The following SYNE1 variants were observed in gnomAD, a reference collection of about 807,000 sequenced individuals.
SYNE1 encodes the protein nesprin-1.
A neutral mutation model predicts 1,111.0 loss-of-function variants in SYNE1; 616 were observed. The observed-to-expected ratio is 0.55, with a 90% CI of 0.52 to 0.59. The LOEUF (loss-of-function observed/expected upper bound fraction) is 0.59. SYNE1 is among the 20% of genes least tolerant of loss of function. The pLI is 0.00. For missense variants in SYNE1, 10,006 were observed against 10,417.0 expected (o/e 0.96, Z 1.72); for synonymous variants, 3,855 against 3,825.8 (o/e 1.01, Z -0.28).
intron 104 of SYNE1, among the ~76,000 whole-genome samples, chr6:152,250,719 C>T (rs1200854101): frequency 6.6e-6 from 1 of 152,182 alleles, no homozygotes; most frequent in African/African-American, 2.4e-5. Context: ...TATCATTCAA[C>T]TGTGTTCAGA....
intron 78 of SYNE1, among the ~76,000 whole-genome samples, chr6:152,327,535 G>A (rs912490537): frequency 7.9e-5 from 12 of 152,170 alleles, no homozygotes; most frequent in Admixed American, 6.5e-4. Flanking sequence ...AAGATAAGCC[G>A]CAACTGTGCA....
chr6:152,460,255 G>A (rs2098723339), intron 21 of SYNE1, among the ~76,000 whole-genome samples: 1 of 152,120 alleles, frequency 6.6e-6, no homozygotes, highest in Non-Finnish European at 1.5e-5. Flanking sequence ...TTATTGTTTA[G>A]CAGCTTTTAC....
At chr6:152,530,212 T>G (rs2099189638) in intron 4 of SYNE1, among the ~76,000 whole-genome samples, 1 of 152,204 alleles carries the variant, frequency 6.6e-6, no homozygotes, top group Non-Finnish European at 1.5e-5. Flanking sequence ...CAGTTGGCTT[T>G]TCCTTCTCAT....
At chr6:152,184,873 T>G (rs113258123) in intron 128 of SYNE1, among the ~76,000 whole-genome samples, 41 of 152,264 alleles carry the variant, frequency 2.7e-4, no homozygotes, top group African/African-American at 9.1e-4. Flanking sequence ...TTAGTCTATA[T>G]ACTAAGTAAA....
Position 152,233,964 on chromosome 6 carries a change from C to A in SYNE1, c.20530-1G>T. On this transcript the variant is annotated splice_acceptor_variant, in intron 111 of 145. Transcript: ENST00000367255. LOFTEE classifies it high-confidence loss of function. ...GGGCATCCACTTCTTTAGAAAACTCCTGAAACAAGTAGCGATGTTCAAATT... is the reference window on the plus strand; with the variant it reads ...GGGCATCCACTTCTTTAGAAAACTCATGAAACAAGTAGCGATGTTCAAATT... The A allele has an allele frequency of 6.2e-7, 1 of 1,614,000 alleles. No homozygotes were observed. Among genetic ancestry groups the A allele is most frequent in the South Asian group, 1.1e-5 (1 of 91,080 alleles).
At chr6:152,557,286 A>C (rs2099369381) in intron 3 of SYNE1, among the ~76,000 whole-genome samples, 1 of 152,182 alleles carries the variant, frequency 6.6e-6, no homozygotes, top group Non-Finnish European at 1.5e-5. Context: ...AAAAAGGATG[A>C]AAAGGGGAGA....
At chr6:152,513,759 C>A (rs1158033463) in intron 6 of SYNE1, among the ~76,000 whole-genome samples, 1 of 151,886 alleles carries the variant, frequency 6.6e-6, no homozygotes, top group Non-Finnish European at 1.5e-5. Context: ...CCAGAATCTA[C>A]AAGGAACTTA....
chr6:152,438,588 A>G (rs1450188447), intron 32 of SYNE1, among the ~76,000 whole-genome samples: 2 of 152,222 alleles, frequency 1.3e-5, no homozygotes, highest in African/African-American at 4.8e-5. Context: ...CCTAGGCTCC[A>G]ACCTTCATTA....
intron 74 of SYNE1, among the ~76,000 whole-genome samples, 197 bp downstream of exon 74, chr6:152,343,884 C>A (rs1303006138): frequency 6.6e-6 from 1 of 152,162 alleles, no homozygotes; most frequent in Admixed American, 6.6e-5. Context: ...TCTTTCTAGT[C>A]TACCAAGTTG....
intron 3 of SYNE1, among the ~76,000 whole-genome samples, chr6:152,595,830 T>C (rs540313254): frequency 6.6e-6 from 1 of 152,224 alleles, no homozygotes; most frequent in East Asian, 1.9e-4. Flanking sequence ...ACGATGCGGC[T>C]GTTGGGTCTA....
chr6:152,324,653 G>A (rs998907365), intron 81 of SYNE1, among the ~76,000 whole-genome samples: 6 of 152,214 alleles, frequency 3.9e-5, no homozygotes, highest in Non-Finnish European at 1.5e-5. Context: ...AATTGGCCAG[G>A]CGTGGTGGCG....
intron 88 of SYNE1, 38 bp downstream of exon 88, chr6:152,310,650 G>A: frequency 2.5e-6 from 4 of 1,609,530 alleles, no homozygotes; most frequent in Non-Finnish European, 3.4e-6. Context: ...TTCAATGATA[G>A]ACATTTTTTT....
chr6:152,405,951 C>A (rs1470423428), intron 45 of SYNE1, among the ~76,000 whole-genome samples: 1 of 152,138 alleles, frequency 6.6e-6, no homozygotes, highest in East Asian at 1.9e-4. Context: ...CCCTACTCCA[C>A]TTTTATCATA....
intron 5 of SYNE1, among the ~76,000 whole-genome samples, chr6:152,523,151 CTA>C (rs1203358455): frequency 6.6e-6 from 1 of 151,716 alleles, no homozygotes; most frequent in Non-Finnish European, 1.5e-5. Flanking sequence ...AGATTTTCTT[CTA>C]GTTTTTTTTT....
intron 16 of SYNE1, among the ~76,000 whole-genome samples, chr6:152,469,265 T>A (rs1339547738): frequency 6.6e-6 from 1 of 152,166 alleles, no homozygotes; most frequent in African/African-American, 2.4e-5. Context: ...TAACATAGAA[T>A]AAAAACAGTA....
intron 3 of SYNE1, among the ~76,000 whole-genome samples, chr6:152,569,413 A>G (rs1445519171): frequency 6.6e-6 from 1 of 152,232 alleles, no homozygotes; most frequent in African/African-American, 2.4e-5. Context: ...GGTTGTTGGT[A>G]GGATAACAGA....
chr6:152,624,041 T>C (rs978653110), intron 3 of SYNE1, among the ~76,000 whole-genome samples: 1 of 152,192 alleles, frequency 6.6e-6, no homozygotes, highest in Non-Finnish European at 1.5e-5. Flanking sequence ...TTGTGATTAC[T>C]TTATACTGAA....
chr6:152,456,486 T>G (rs2098696960), intron 22 of SYNE1, among the ~76,000 whole-genome samples: 1 of 142,640 alleles, frequency 7.0e-6, no homozygotes. Flanking sequence ...CTGAAAGAGA[T>G]GCACTATATA....
At chr6:152,130,108 C>G (rs1486395172) in intron 145 of SYNE1, among the ~76,000 whole-genome samples, 1 of 152,010 alleles carries the variant, frequency 6.6e-6, no homozygotes, top group East Asian at 1.9e-4. Flanking sequence ...GCTGCGGGTT[C>G]CAGAGTGAGC....
Sources: gnomAD v4.1 joint callset for allele counts (sites outside exome capture counted in the v4.1 genomes callset) on GRCh38, gnomAD v4.1.1 for gene constraint, MANE v1.5 for transcripts, NCBI Gene and HGNC (gene_info 2026-07-23, HGNC 2026-07-21) for gene names.